Variants in DDA1 observed in about 807,000 individuals in gnomAD.
The protein encoded by DDA1 is DET1- and DDB1-associated protein 1.
A neutral mutation model predicts 18.6 loss-of-function variants in DDA1; 3 were observed. That is an observed-to-expected ratio of 0.16 (90% CI 0.07 to 0.42). DDA1 has a LOEUF of 0.42. DDA1 is among the 10% of genes least tolerant of loss of function. The probability of loss-of-function intolerance (pLI) is 0.99; values close to 1 mark genes in which losing one functional copy is unlikely to be tolerated. For missense variants in DDA1, 105 were observed against 138.2 expected, an observed-to-expected ratio of 0.76 and a Z score of 1.20; for synonymous variants, 52 against 54.0, an observed-to-expected ratio of 0.96 and a Z score of 0.17.
In DDA1 at chr19:17,314,563, AGGAGGG is replaced by A. The variant is rs1158580756; in HGVS notation, c.136+178_136+183del. On this transcript the variant is annotated intron_variant, in intron 3 of 4. Coordinates refer to ENST00000359866, the MANE Select transcript of DDA1 (RefSeq NM_024050.6). The surrounding 1 kb of genome is among the most constrained non-coding windows in gnomAD (Gnocchi z 4.6). ...TCAGGGAGGGCCTCCAGGGAGGTACAGGAGGGGGACCTTGGGGGCTTCAGCCTGGGG... is the reference window on the plus strand; with the variant it reads ...TCAGGGAGGGCCTCCAGGGAGGTACAGGACCTTGGGGGCTTCAGCCTGGGG... 2 of 817,592 alleles carry A rather than the reference AGGAGGG, an allele frequency of 2.4e-6. No individual in the cohort carries two copies. Among genetic ancestry groups the A allele is most frequent in the Non-Finnish European group, 3.9e-6 (2 of 518,256 alleles). The allele number at this position is 817,592 out of a possible 1,614,324, so 50.6% of individuals were successfully genotyped here. A position where few individuals can be genotyped will look rare whatever the true frequency, so the allele number is the denominator to read the frequency against.
chr19:17,315,149 ACGTATATATACACACG>A (rs1568353568), intron 3 of DDA1, among the ~76,000 whole-genome samples: 2,272 of 87,722 alleles, frequency 0.026, 547 homozygotes, highest in Non-Finnish European at 0.037. Flanking sequence ...ATATACACAC[ACGTATATATACACACG>A]TGTATATACA....
Position 17,311,763 on chromosome 19 carries a change from C to T in DDA1, c.3+2106C>T, listed in dbSNP as rs191074509. On this transcript the variant is annotated intron_variant, in intron 1 of 4. Coordinates refer to ENST00000359866, the MANE Select transcript of DDA1 (RefSeq NM_024050.6). ...CCCCCAGTTCTCTGCTATTAGTGTA[C>T]TGCTTCTCTTTCTCATCTCTTTGTT... Among the ~76,000 whole-genome samples the T allele has an allele frequency of 4.9e-4, 74 of 152,298 alleles. 1 individual carries two copies. In the East Asian group the frequency reaches 0.013, roughly 27 times the overall value.
At chr19:17,311,987 T>C (rs1404646141) in intron 1 of DDA1, among the ~76,000 whole-genome samples, 1 of 152,216 alleles carries the variant, frequency 6.6e-6, no homozygotes, top group Non-Finnish European at 1.5e-5. Flanking sequence ...TTCATTCATT[T>C]GTCCAACGCA....
intron 1 of DDA1, among the ~76,000 whole-genome samples, chr19:17,312,954 C>T (rs1014700871): frequency 2.6e-5 from 4 of 152,088 alleles, no homozygotes; most frequent in African/African-American, 7.2e-5. Context: ...AGCCACATTC[C>T]GGCTTCCCGA....
At chr19:17,316,077 G>C in intron 4 of DDA1, 82 bp downstream of exon 4, 2 of 1,488,534 alleles carry the variant, frequency 1.3e-6, no homozygotes, top group Non-Finnish European at 1.9e-6. Context: ...GCACAGGAAG[G>C]ACTCTAGTGA....
chr19:17,310,025 G>C (rs1183384644), intron 1 of DDA1: 1 of 264,660 alleles, frequency 3.8e-6, no homozygotes, highest in African/African-American at 2.2e-5. Context: ...AGGAGAATTT[G>C]GGAGGCCGGC....
At chr19:17,318,309 G>A (rs979945267) in intron 4 of DDA1, among the ~76,000 whole-genome samples, 1 of 152,126 alleles carries the variant, frequency 6.6e-6, no homozygotes, top group Non-Finnish European at 1.5e-5. Context: ...TTGGCTCACT[G>A]TAATCTCCGC....
In DDA1 at chr19:17,314,265, T is replaced by C; in HGVS notation, c.85-73T>C. 6.3e-7 allele frequency: 1 copy of C among 1,594,188 alleles called. No individual in the cohort carries two copies. The highest frequency in any genetic ancestry group is 8.6e-7 in the Non-Finnish European group (1 of 1,162,492). On this transcript the variant is annotated intron_variant, in intron 2 of 4. Coordinates refer to ENST00000359866, the MANE Select transcript of DDA1 (RefSeq NM_024050.6). This position sits in a 1 kb window ranked among gnomAD's most constrained non-coding sequence, Gnocchi z 4.6. ...CTTCCAATCTGCACTGAAGGGTGGGTGCTGAGTGGAGGGATGAGGAGACCC... is the reference window on the plus strand; with the variant it reads ...CTTCCAATCTGCACTGAAGGGTGGGCGCTGAGTGGAGGGATGAGGAGACCC...
chr19:17,309,642 G>T lies in DDA1; in HGVS notation c.-13G>T, dbSNP rs1047937410. On this transcript the variant is annotated 5_prime_UTR_variant, in exon 1 of 5. Coordinates refer to ENST00000359866, the MANE Select transcript of DDA1 (RefSeq NM_024050.6). ...TGAGGCGGCGGCCGAGGCGGCGACG[G>T]AGGAAACAGAAGATGGTGAGGATGG... 2.5e-6 allele frequency: 4 copies of T among 1,613,114 alleles called. No homozygotes were observed. In the South Asian group the frequency reaches 4.4e-5, roughly 18 times the overall value.
chr19:17,311,574 C>A (rs933083934), intron 1 of DDA1, among the ~76,000 whole-genome samples: 1 of 152,174 alleles, frequency 6.6e-6, no homozygotes, highest in Non-Finnish European at 1.5e-5. Flanking sequence ...ATGACCTTAT[C>A]TCCACTCTCT....
Position 17,315,186 on chromosome 19 carries a change from TAC to T in DDA1, c.137-741_137-740del, listed in dbSNP as rs200541678. Reference sequence around the variant, plus strand: ...ACACGTGTATATACACACACGTGTATACACACACGTGTATACACACGTGTATA... The same window carrying T: ...ACACGTGTATATACACACACGTGTATACACACGTGTATACACACGTGTATA... On this transcript the variant is annotated intron_variant, in intron 3 of 4. Coordinates refer to ENST00000359866, the MANE Select transcript of DDA1 (RefSeq NM_024050.6). 1.5e-4 allele frequency among the ~76,000 whole-genome samples: 4 copies of T among 27,442 alleles called. 1 individual carries two copies. Among genetic ancestry groups the T allele is most frequent in the Admixed American group, 4.1e-4 (2 of 4,928 alleles). The allele number at this position is 27,442 out of a possible 152,430, so 18.0% of individuals were successfully genotyped here. A position where few individuals can be genotyped will look rare whatever the true frequency, so the allele number is the denominator to read the frequency against.
Position 17,309,596 on chromosome 19 carries a change from T to C in DDA1, c.-59T>C. On this transcript the variant is annotated 5_prime_UTR_variant, in exon 1 of 5. Transcript: ENST00000359866. ...GTGAGGCGGCGGCTAAGAAGGCGGC[T>C]CTGGTGGCGGCGGTGGAGGCTGAGG... 1 of 1,583,152 alleles carries C rather than the reference T, an allele frequency of 6.3e-7. No homozygotes were observed. Among genetic ancestry groups the C allele is most frequent in the Non-Finnish European group, 8.7e-7 (1 of 1,153,610 alleles).
intron 1 of DDA1, among the ~76,000 whole-genome samples, chr19:17,311,902 C>T (rs1323301233): frequency 2.0e-5 from 3 of 152,124 alleles, no homozygotes; most frequent in Non-Finnish European, 2.9e-5. Context: ...ATGAGGCCTC[C>T]CCCACCCCCT....
chr19:17,315,873 T>C, intron 3 of DDA1, 61 bp from the exon 4 acceptor site: 1 of 1,516,148 alleles, frequency 6.6e-7, no homozygotes, highest in Non-Finnish European at 9.2e-7. Flanking sequence ...CCCAGGGCAG[T>C]GTCAGGGGAG....
chr19:17,320,012 T>C lies in DDA1; in HGVS notation c.*356T>C. On this transcript the variant is annotated 3_prime_UTR_variant, in exon 5 of 5. Transcript: ENST00000359866. ...ACCAGAGTGTGTCTGTGAGAGTCTC[T>C]AGCGGGGGCTTTACTGTGGCCGGGC... The C allele has an allele frequency of 4.9e-6, 1 of 202,696 alleles. No homozygotes were observed. The highest frequency in any genetic ancestry group is 1.0e-5 in the Non-Finnish European group (1 of 98,672). 12.6% of individuals were successfully genotyped at this position (202,696 alleles called of 1,614,324 possible).
At position 17,314,234 on chromosome 19, in the gene DDA1, G is replaced by C; in HGVS notation, c.85-104G>C. 1.3e-6 allele frequency: 2 copies of C among 1,560,818 alleles called. No homozygotes were observed. The highest frequency in any genetic ancestry group is 1.8e-6 in the Non-Finnish European group (2 of 1,133,642). On this transcript the variant is annotated intron_variant, in intron 2 of 4. Coordinates refer to ENST00000359866, the MANE Select transcript of DDA1 (RefSeq NM_024050.6). This position sits in a 1 kb window ranked among gnomAD's most constrained non-coding sequence, Gnocchi z 4.6. ...CAAGCCCAGCCCCATCCACATACTT[G>C]AGTGTCTTCCAATCTGCACTGAAGG... is the stretch of plus-strand genomic sequence containing the variant.
At position 17,319,607 on chromosome 19, in the gene DDA1, C is replaced by T; in HGVS notation, c.260C>T (p.Pro87Leu). Reference sequence around the variant, plus strand: ...CTGGAAGGCGAGAGCTCCGCACCTCCCCGCAAGGTGGCGCGGACCGACAGC... The same window carrying T: ...CTGGAAGGCGAGAGCTCCGCACCTCTCCGCAAGGTGGCGCGGACCGACAGC... ...VELEGESSAP[P>L]RKVARTDSPD... The change falls in exon 5 of 5, where the codon CCC becomes CTC. Residue 87 changes from proline to leucine, a missense_variant. By Grantham distance (98) the Pro-to-Leu change is moderately conservative (BLOSUM62 -3). This residue lies in a region of DDA1 where 62 missense variants were observed against 55.8 expected (regional missense o/e 1.11). Transcript: ENST00000359866. 1.3e-6 allele frequency: 2 copies of T among 1,580,974 alleles called. No individual in the cohort carries two copies. The highest frequency in any genetic ancestry group is 1.7e-6 in the Non-Finnish European group (2 of 1,163,590).
At chr19:17,310,038 G>A (rs371813922) in intron 1 of DDA1, 17 of 249,076 alleles carry the variant, frequency 6.8e-5, no homozygotes, top group East Asian at 3.5e-4. Flanking sequence ...AGGCCGGCCT[G>A]GGCCCCGGGG....
At chr19:17,315,203 A>ACG (rs1568353743) in intron 3 of DDA1, among the ~76,000 whole-genome samples, 3 of 34,810 alleles carry the variant, frequency 8.6e-5, no homozygotes, top group African/African-American at 3.7e-4. Context: ...ACGTGTATAC[A>ACG]CACGTGTATA....
Sources: allele counts gnomAD v4.1 joint callset (sites outside exome capture counted in the v4.1 genomes callset), GRCh38; gene constraint gnomAD v4.1.1; regional missense constraint gnomAD v4.1.1; non-coding constraint Gnocchi (gnomAD v3.1); transcripts MANE v1.5; gene names NCBI Gene and HGNC (gene_info 2026-07-23, HGNC 2026-07-21).